CTH: variants seen among roughly 807,000 people sequenced by gnomAD.
CTH encodes cystathionine gamma-lyase.
In CTH, 41 loss-of-function variants were observed where a neutral mutation model predicts 50.6. The observed-to-expected ratio is 0.81, with a 90% CI of 0.63 to 1.05. CTH has a LOEUF of 1.05. Ranked by LOEUF, CTH falls within the 50% of genes least tolerant of loss-of-function variation. CTH has a pLI of 0.00. For synonymous variants in CTH, 156 were observed against 168.9 expected (o/e 0.92, Z 0.59); for missense variants, 470 against 492.6 (o/e 0.95, Z 0.43).
chr1:70,432,143 T>A lies in CTH; in HGVS notation c.785T>A (p.Leu262Gln). 6.2e-7 allele frequency: 1 copy of A among 1,614,160 alleles called. No individual in the cohort carries two copies. Among genetic ancestry groups the A allele is most frequent in the South Asian group, 1.1e-5 (1 of 91,084 alleles). The change falls in exon 8 of 12, where the codon CTA becomes CAA. Residue 262 changes from leucine to glutamine, a missense_variant. By Grantham distance (113) the Leu-to-Gln change is moderately radical. Coordinates refer to ENST00000370938, the MANE Select transcript of CTH (RefSeq NM_001902.6). ...CYLCNRGLKT[L>Q]HVRMEKHFKN... ...CTCTGCAATCGAGGTCTGAAGACTCTACATGTCCGAATGGAAAAGCATTTC... is the reference window on the plus strand; with the variant it reads ...CTCTGCAATCGAGGTCTGAAGACTCAACATGTCCGAATGGAAAAGCATTTC...
intron 2 of CTH, 117 bp downstream of exon 2, chr1:70,416,154 T>A (rs534015869): frequency 1.4e-6 from 1 of 710,966 alleles, no homozygotes; most frequent in African/African-American, 1.8e-5. Flanking sequence ...ATTCCTGTTC[T>A]ACTGCCTTTG....
Position 70,438,672 on chromosome 1 carries a change from T to C in CTH, c.1053-16T>C, listed in dbSNP as rs768853335. 5 of 1,613,912 alleles carry C rather than the reference T, an allele frequency of 3.1e-6. No individual in the cohort carries two copies. Among genetic ancestry groups the C allele is most frequent in the African/African-American group, 1.3e-5 (1 of 74,900 alleles). ...CACAATATAGTGATCAAAAATTTGC[T>C]CATGTCTTCTTTCAGGGCAATCATG... On this transcript the variant is annotated splice_polypyrimidine_tract_variant and intron_variant, in intron 10 of 11. Transcript: ENST00000370938.
chr1:70,434,932 T>C (rs1429341477), intron 9 of CTH, 193 bp from the exon 10 acceptor site: 3 of 398,250 alleles, frequency 7.5e-6, no homozygotes, highest in Non-Finnish European at 1.4e-5. Context: ...TTTGTATTTT[T>C]AGTAGAGATG....
chr1:70,416,151 T>C, intron 2 of CTH, 114 bp downstream of exon 2: 1 of 712,322 alleles, frequency 1.4e-6, no homozygotes, highest in Non-Finnish European at 2.5e-6. Flanking sequence ...AAAATTCCTG[T>C]TCTACTGCCT....
intron 5 of CTH, among the ~76,000 whole-genome samples, chr1:70,426,263 C>T (rs1297562348): frequency 1.3e-5 from 2 of 152,168 alleles, no homozygotes; most frequent in Non-Finnish European, 2.9e-5. Flanking sequence ...CTCTGAGTAA[C>T]CCAACTCTTT....
chr1:70,437,615 A>T (rs953420545), intron 10 of CTH, among the ~76,000 whole-genome samples: 1 of 152,184 alleles, frequency 6.6e-6, no homozygotes, highest in Non-Finnish European at 1.5e-5. Flanking sequence ...TCTTATTTCT[A>T]CATGTACACA....
At chr1:70,437,110 C>A (rs1281352120) in intron 10 of CTH, among the ~76,000 whole-genome samples, 5 of 152,176 alleles carry the variant, frequency 3.3e-5, no homozygotes, top group Non-Finnish European at 7.3e-5. Flanking sequence ...ACACATGTAA[C>A]TCTGTGACCT....
chr1:70,415,212 G>A (rs547271964), intron 1 of CTH, among the ~76,000 whole-genome samples: 5 of 152,166 alleles, frequency 3.3e-5, no homozygotes, highest in Non-Finnish European at 5.9e-5. Flanking sequence ...ACCAGCCTGG[G>A]CAACATAGCT....
rs1442854512 is a variant in CTH, at chr1:70,415,952, T to C, written c.169-4T>C. On this transcript the variant is annotated splice_region_variant and splice_polypyrimidine_tract_variant and intron_variant, in intron 1 of 11. Transcript: ENST00000370938. ...TAGGATGAACTCGAACTTGTTTTTT[T>C]CAGGGTTTTGAATATAGCCGTTCTG... The C allele has an allele frequency of 6.3e-7, 1 of 1,591,076 alleles. No individual in the cohort carries two copies. Among genetic ancestry groups the C allele is most frequent in the African/African-American group, 1.3e-5 (1 of 74,452 alleles).
rs897545497 is a variant in CTH, at chr1:70,424,302, C to T, written c.474C>T (p.Thr158=). ...TPETKLVWIE[T]PTNPTQKVID... is the part of the protein sequence containing the mutation. ...TATTTTAGCTTGTTTGGATCGAAAC[C>T]CCCACAAACCCCACCCAGAAGGTGA... is the stretch of plus-strand genomic sequence containing the variant. Residue 158 remains threonine (T), a synonymous_variant, in exon 5 of 12, where the codon ACC becomes ACT. Transcript: ENST00000370938. 7.4e-6 allele frequency: 12 copies of T among 1,613,868 alleles called. No homozygotes were observed. The highest frequency in any genetic ancestry group is 1.0e-5 in the Non-Finnish European group (12 of 1,179,986).
chr1:70,411,675 G>A, intron 1 of CTH, 92 bp downstream of exon 1: 1 of 1,520,214 alleles, frequency 6.6e-7, no homozygotes, highest in East Asian at 2.3e-5. Context: ...TTTATAATAT[G>A]ACTTATAAAT....
intron 3 of CTH, among the ~76,000 whole-genome samples, chr1:70,420,139 T>A (rs1388757045): frequency 6.6e-6 from 1 of 152,062 alleles, no homozygotes; most frequent in Non-Finnish European, 1.5e-5. Flanking sequence ...ATTACAGGCA[T>A]GTGCCACCAC....
At chr1:70,419,994 G>GT (rs1161753778) in intron 3 of CTH, among the ~76,000 whole-genome samples, 3,173 of 136,248 alleles carry the variant, frequency 0.023, 94 homozygotes, top group African/African-American at 0.069. Context: ...GGACCGGCGT[G>GT]TTTTTTTTTT....
intron 8 of CTH, among the ~76,000 whole-genome samples, chr1:70,432,682 C>CTTTT (rs10607278): frequency 2.2e-5 from 2 of 89,870 alleles, no homozygotes; most frequent in African/African-American, 8.2e-5. Flanking sequence ...CTCTCTCTCT[C>CTTTT]TTTTTTTTTT....
chr1:70,414,480 G>A (rs1011345073), intron 1 of CTH, among the ~76,000 whole-genome samples: 1 of 151,786 alleles, frequency 6.6e-6, no homozygotes, highest in African/African-American at 2.4e-5. Context: ...TGGCAACAGA[G>A]CGAGACTCCC....
In CTH at chr1:70,439,748, T is replaced by C. The variant is rs2101767148; in HGVS notation, c.*621T>C. 6.5e-6 allele frequency: 1 copy of C among 153,336 alleles called. No individual in the cohort carries two copies. The highest frequency in any genetic ancestry group is 2.0e-4 in the South Asian group (1 of 4,882). 9.5% of individuals were successfully genotyped at this position (153,336 alleles called of 1,614,324 possible). ...TCACGAGGTCAGGAGATTGAGACCA[T>C]CCTGGCTAGCGCAGTGAAACCCCCA... On this transcript the variant is annotated 3_prime_UTR_variant, in exon 12 of 12. Transcript: ENST00000370938.
intron 8 of CTH, among the ~76,000 whole-genome samples, chr1:70,433,242 G>A (rs1049672783): frequency 1.8e-4 from 28 of 152,080 alleles, no homozygotes; most frequent in Admixed American, 1.4e-3. Flanking sequence ...AAACCAAAGC[G>A]AAATACATAT....
In CTH at chr1:70,433,835, C is replaced by T; in HGVS notation, c.885C>T (p.Pro295=). 1 of 1,614,016 alleles carries T rather than the reference C, an allele frequency of 6.2e-7. No homozygotes were observed. The highest frequency in any genetic ancestry group is 8.5e-7 in the Non-Finnish European group (1 of 1,179,962). Residue 295 remains proline, a synonymous_variant, in exon 9 of 12, where the codon CCC becomes CCT. Transcript: ENST00000370938. The part of the protein sequence containing the change: ...WVEKVIYPGL[P]SHPQHELVKR... ...GATACCTTATGATTACAGGGCTGCC[C>T]TCTCATCCACAGCATGAGTTGGTGA...
Position 70,421,613 on chromosome 1 carries a change from A to G in CTH, c.394A>G (p.Ile132Val). The part of the protein sequence containing the change: ...RQVASEFGLK[I>V]SFVDCSKIKL... ...AGTGGCATCTGAATTTGGATTAAAG[A>G]TTTCTTTTGTTGATTGTTCCAAAAT... The change falls in exon 4 of 12, where the codon ATT becomes GTT. Residue 132 changes from isoleucine (I) to valine (V), a missense_variant. Coordinates refer to ENST00000370938, the MANE Select transcript of CTH (RefSeq NM_001902.6). 1.2e-6 allele frequency: 2 copies of G among 1,613,938 alleles called. No individual in the cohort carries two copies. The highest frequency in any genetic ancestry group is 1.3e-5 in the African/African-American group (1 of 75,034).
Sources: allele counts gnomAD v4.1 joint callset (sites outside exome capture counted in the v4.1 genomes callset), GRCh38; gene constraint gnomAD v4.1.1; transcripts MANE v1.5; gene names NCBI Gene and HGNC (gene_info 2026-07-23, HGNC 2026-07-21).